The following CD300A variants were observed in gnomAD, a reference collection of about 807,000 sequenced individuals.
CD300A encodes the protein CMRF35-like molecule 8.
Under a neutral mutation model 33.6 loss-of-function variants are expected in CD300A, and 22 were observed. The observed-to-expected ratio is 0.66, with a 90% CI of 0.47 to 0.94. The LOEUF (loss-of-function observed/expected upper bound fraction) is 0.94. CD300A is among the 40% of genes least tolerant of loss of function. The pLI is 0.00. For synonymous variants in CD300A, 136 were observed against 148.1 expected, an observed-to-expected ratio of 0.92 and a Z score of 0.59; for missense variants, 326 against 360.5, an observed-to-expected ratio of 0.90 and a Z score of 0.77.
intron 3 of CD300A, among the ~76,000 whole-genome samples, chr17:74,475,079 G>A (rs746604214): frequency 6.6e-6 from 1 of 152,118 alleles, no homozygotes; most frequent in Non-Finnish European, 1.5e-5. Context: ...ATGAGAAAGA[G>A]GTTTTAATGT....
chr17:74,480,520 C>CG lies in CD300A; in HGVS notation c.629-767dup, dbSNP rs1598107720. Among the ~76,000 whole-genome samples the CG allele has an allele frequency of 1.3e-5, 2 of 152,200 alleles. No homozygotes were observed. Among genetic ancestry groups the CG allele is most frequent in the African/African-American group, 4.8e-5 (2 of 41,450 alleles). ...TGGGGCTGACAGGCCTCCTTCCCTA[C>CG]GGCCTGGGGCAGCAGGCAGGTGGGC... On this transcript the variant is annotated intron_variant, in intron 4 of 6. Transcript: ENST00000360141. The surrounding 1 kb of genome is among the most constrained non-coding windows in gnomAD (Gnocchi z 4.2).
At chr17:74,471,916 G>A (rs1906126375) in intron 1 of CD300A, among the ~76,000 whole-genome samples, 1 of 152,146 alleles carries the variant, frequency 6.6e-6, no homozygotes, top group South Asian at 2.1e-4. Context: ...TCATGTGTGA[G>A]GAGATTTAGC....
rs527255350 is a variant in CD300A, at chr17:74,474,905, G to A, written c.533+220G>A. 2.0e-5 allele frequency among the ~76,000 whole-genome samples: 3 copies of A among 152,252 alleles called. No homozygotes were observed. In the South Asian group the frequency reaches 6.2e-4, roughly 32 times the overall value. ...AAGTTGGGGGGCAGATGGAAGGAAAGTGATAGTTACTGACAGCTGGTAACA... is the reference window on the plus strand; with the variant it reads ...AAGTTGGGGGGCAGATGGAAGGAAAATGATAGTTACTGACAGCTGGTAACA... On this transcript the variant is annotated intron_variant, in intron 3 of 6. Transcript: ENST00000360141.
At chr17:74,481,545 C>T (rs1906848021) in intron 5 of CD300A, 181 bp from the exon 6 acceptor site, 2 of 654,668 alleles carry the variant, frequency 3.1e-6, no homozygotes, top group South Asian at 1.9e-5. Context: ...GAAGGGAGGC[C>T]CTCCCAGCCA....
chr17:74,474,711 G>C, intron 3 of CD300A, 26 bp downstream of exon 3: 2 of 1,611,914 alleles, frequency 1.2e-6, no homozygotes, highest in Non-Finnish European at 1.7e-6. Flanking sequence ...CCTGAGACAT[G>C]GAGGGGGCCC....
intron 6 of CD300A, among the ~76,000 whole-genome samples, chr17:74,482,520 C>T (rs939888837): frequency 1.3e-5 from 2 of 151,604 alleles, no homozygotes; most frequent in African/African-American, 2.4e-5. Context: ...TACCGTTCTC[C>T]CCAGGCCGCC....
At chr17:74,468,692 A>G (rs1243083273) in intron 1 of CD300A, among the ~76,000 whole-genome samples, 5 of 151,438 alleles carry the variant, frequency 3.3e-5, no homozygotes, top group African/African-American at 7.3e-5. Context: ...ATCTCACTCT[A>G]TCACCCAGGG....
intron 1 of CD300A, among the ~76,000 whole-genome samples, chr17:74,469,699 C>A (rs1018605803): frequency 2.0e-5 from 3 of 152,058 alleles, no homozygotes; most frequent in Non-Finnish European, 4.4e-5. Context: ...TAGTGTGCAC[C>A]CTGTAGTCCC....
intron 1 of CD300A, among the ~76,000 whole-genome samples, chr17:74,472,976 T>A (rs1274867157): frequency 6.6e-6 from 1 of 151,986 alleles, no homozygotes; most frequent in Non-Finnish European, 1.5e-5. Context: ...TGGGACCAGA[T>A]CAGTGTGTGG....
At chr17:74,474,891 C>A (rs1459137960) in intron 3 of CD300A, among the ~76,000 whole-genome samples, 1 of 151,132 alleles carries the variant, frequency 6.6e-6, no homozygotes, top group Non-Finnish European at 1.5e-5. Flanking sequence ...AGTTGGGGGG[C>A]AGATGGAAGG....
At chr17:74,473,452 C>T (rs1181172831) in intron 1 of CD300A, 84 bp from the exon 2 acceptor site, 16 of 1,328,698 alleles carry the variant, frequency 1.2e-5, no homozygotes, top group Non-Finnish European at 1.6e-5. Context: ...TCCACACCCC[C>T]AGGGTCCATG....
chr17:74,478,512 A>T (rs2144529282), intron 4 of CD300A, among the ~76,000 whole-genome samples: 1 of 152,362 alleles, frequency 6.6e-6, no homozygotes, highest in South Asian at 2.1e-4. Flanking sequence ...TGCTCAATAA[A>T]TAGCTGATAG....
At chr17:74,478,621 G>A (rs754523405) in intron 4 of CD300A, among the ~76,000 whole-genome samples, 16 of 152,242 alleles carry the variant, frequency 1.1e-4, no homozygotes, top group Non-Finnish European at 2.2e-4. Flanking sequence ...TAAGCCTGAA[G>A]CTTCCTCCCT....
intron 3 of CD300A, among the ~76,000 whole-genome samples, 191 bp from the exon 4 acceptor site, chr17:74,477,245 T>C (rs559567837): frequency 6.6e-6 from 1 of 151,870 alleles, no homozygotes; most frequent in East Asian, 1.9e-4. Flanking sequence ...TGCCTGTAGC[T>C]GGAGGCTGAG....
At chr17:74,470,805 T>C (rs1906048926) in intron 1 of CD300A, among the ~76,000 whole-genome samples, 1 of 146,498 alleles carries the variant, frequency 6.8e-6, no homozygotes, top group African/African-American at 2.5e-5. Context: ...CGTGCCACCA[T>C]GCCTGGCTAA....
intron 3 of CD300A, among the ~76,000 whole-genome samples, chr17:74,476,419 T>G (rs1213083601): frequency 6.6e-6 from 1 of 152,174 alleles, no homozygotes; most frequent in African/African-American, 2.4e-5. Context: ...AATTCAGGCT[T>G]GAACATGCCA....
chr17:74,469,115 T>G (rs913399727), intron 1 of CD300A, among the ~76,000 whole-genome samples: 2 of 152,316 alleles, frequency 1.3e-5, no homozygotes, highest in Middle Eastern at 3.4e-3. Context: ...TTGAAATTAT[T>G]TGTTCCTTGA....
intron 3 of CD300A, among the ~76,000 whole-genome samples, chr17:74,475,270 C>T (rs2177258): frequency 0.49 from 73,803 of 151,930 alleles, 19,485 homozygotes; most frequent in African/African-American, 0.68. Flanking sequence ...GCAAACCACC[C>T]CCATGATTCA....
intron 1 of CD300A, among the ~76,000 whole-genome samples, chr17:74,467,763 C>A (rs1385573608): frequency 2.0e-5 from 3 of 152,172 alleles, no homozygotes; most frequent in African/African-American, 7.2e-5. Flanking sequence ...AACAGGTGCT[C>A]CTGCGATTCT....
Sources: gnomAD v4.1 joint callset for allele counts (sites outside exome capture counted in the v4.1 genomes callset) on GRCh38, gnomAD v4.1.1 for gene constraint, Gnocchi (gnomAD v3.1) non-coding constraint, MANE v1.5 for transcripts, NCBI Gene and HGNC (gene_info 2026-07-23, HGNC 2026-07-21) for gene names.